Variants in CWC27 observed in about 807,000 individuals in gnomAD.
The protein encoded by CWC27 is spliceosome-associated protein CWC27 homolog.
In CWC27, 47 loss-of-function variants were observed where a neutral mutation model predicts 63.6. The ratio of observed to expected loss-of-function variants is 0.74; its 90% confidence interval spans 0.58 to 0.94. CWC27 has a LOEUF of 0.94. Ranked by LOEUF, CWC27 falls within the 40% of genes least tolerant of loss-of-function variation. The pLI, the probability that CWC27 is intolerant of heterozygous loss-of-function variation, is 0.00. For synonymous variants in CWC27, 175 were observed against 179.8 expected, an observed-to-expected ratio of 0.97 and a Z score of 0.22; for missense variants, 495 against 554.3, an observed-to-expected ratio of 0.89 and a Z score of 1.07.
intron 11 of CWC27, among the ~76,000 whole-genome samples, chr5:64,907,235 T>C (rs1000126330): frequency 1.3e-5 from 2 of 152,244 alleles, no homozygotes; most frequent in Non-Finnish European, 2.9e-5. Flanking sequence ...GGGATGGCAT[T>C]GAATCTATAA....
chr5:64,972,776 C>T (rs888033344), intron 12 of CWC27: 10 of 420,352 alleles, frequency 2.4e-5, no homozygotes, highest in Non-Finnish European at 4.7e-5. Context: ...CCCCCATTCC[C>T]TTGTAGCAAA....
chr5:64,878,733 A>G (rs1223975261), intron 10 of CWC27, among the ~76,000 whole-genome samples: 1 of 151,882 alleles, frequency 6.6e-6, no homozygotes, highest in Non-Finnish European at 1.5e-5. Context: ...TGGAAATGGC[A>G]TGAACAAAGG....
intron 13 of CWC27, among the ~76,000 whole-genome samples, chr5:64,993,429 T>C (rs1690159427): frequency 6.6e-6 from 1 of 152,056 alleles, no homozygotes; most frequent in African/African-American, 2.4e-5. Flanking sequence ...AATTTGCTAG[T>C]GGTACTAGAA....
intron 11 of CWC27, among the ~76,000 whole-genome samples, chr5:64,923,733 A>C (rs547688220): frequency 1.3e-5 from 2 of 149,800 alleles, no homozygotes; most frequent in Non-Finnish European, 3.0e-5. Flanking sequence ...CTTCTTTACA[A>C]ATATTTCCCA....
intron 10 of CWC27, among the ~76,000 whole-genome samples, chr5:64,879,272 TG>T (rs1251869046): frequency 1.3e-5 from 2 of 151,998 alleles, no homozygotes; most frequent in Non-Finnish European, 2.9e-5. Flanking sequence ...TTGATGCATT[TG>T]TGGTATGTCT....
At chr5:64,863,624 A>T (rs988399866) in intron 10 of CWC27, among the ~76,000 whole-genome samples, 3 of 152,038 alleles carry the variant, frequency 2.0e-5, no homozygotes, top group African/African-American at 7.2e-5. Context: ...CCTCCCGAGT[A>T]GCTATGACTA....
intron 10 of CWC27, among the ~76,000 whole-genome samples, chr5:64,871,281 C>G (rs990514259): frequency 6.6e-6 from 1 of 152,126 alleles, no homozygotes; most frequent in Admixed American, 6.6e-5. Context: ...AGAAAATAAA[C>G]AGCCTGCTAA....
At chr5:64,793,923 A>G (rs1305221799) in intron 7 of CWC27, among the ~76,000 whole-genome samples, 1 of 152,098 alleles carries the variant, frequency 6.6e-6, no homozygotes, top group Non-Finnish European at 1.5e-5. Flanking sequence ...TCAGTGTGGG[A>G]TTACAGACAC....
chr5:64,835,696 G>T (rs995358), intron 10 of CWC27, among the ~76,000 whole-genome samples: 53,426 of 151,524 alleles, frequency 0.35, 9,866 homozygotes, highest in East Asian at 0.51. Context: ...TTTTAACAAT[G>T]TATTTTTTTC....
chr5:64,865,921 C>T (rs1746521783), intron 10 of CWC27, among the ~76,000 whole-genome samples: 1 of 152,044 alleles, frequency 6.6e-6, no homozygotes, highest in Admixed American at 6.6e-5. Flanking sequence ...CTTCCAGCCA[C>T]ATCTGTCATA....
chr5:64,970,439 T>C lies in CWC27; in HGVS notation c.1043-1264T>C, dbSNP rs185467741. ...GTGCTAGCCAGGATGGTCTCGATCT[T>C]CTGACCTCGTGATCCGCCCACCTCG... On this transcript the variant is annotated intron_variant, in intron 11 of 13. Transcript: ENST00000381070. Among the ~76,000 whole-genome samples the C allele has an allele frequency of 1.2e-3, 178 of 151,412 alleles. 2 individuals carry two copies. The highest frequency in any genetic ancestry group is 4.0e-3 in the African/African-American group (166 of 41,308).
chr5:65,016,097 G>A (rs1467059777), intron 13 of CWC27, among the ~76,000 whole-genome samples: 4 of 152,134 alleles, frequency 2.6e-5, no homozygotes, highest in Non-Finnish European at 5.9e-5. Flanking sequence ...TTAATACCAT[G>A]GCTGTCGAAC....
intron 10 of CWC27, among the ~76,000 whole-genome samples, chr5:64,876,573 A>G (rs1448180571): frequency 6.6e-6 from 1 of 152,132 alleles, no homozygotes; most frequent in Non-Finnish European, 1.5e-5. Context: ...ATAAGAAACT[A>G]ACACATATTC....
At chr5:64,887,063 T>A (rs1747087392) in intron 11 of CWC27, among the ~76,000 whole-genome samples, 1 of 152,124 alleles carries the variant, frequency 6.6e-6, no homozygotes, top group African/African-American at 2.4e-5. Flanking sequence ...AACTTAAATA[T>A]TTTATTTGCT....
Position 64,949,435 on chromosome 5 carries a change from G to C in CWC27, c.1043-22268G>C, listed in dbSNP as rs73109566. ...CCATTTTAGTCACAGTTTTTTTGTT[G>C]GGCTATTTTAACAACCTGCTAACAT... On this transcript the variant is annotated intron_variant, in intron 11 of 13. Transcript: ENST00000381070. 9.7e-3 allele frequency among the ~76,000 whole-genome samples: 1,465 copies of C among 151,732 alleles called. 32 individuals are homozygous for C. The highest frequency in any genetic ancestry group is 0.034 in the African/African-American group (1,389 of 41,404).
At chr5:64,910,284 CACAGCA>C (rs1019338622) in intron 11 of CWC27, among the ~76,000 whole-genome samples, 1 of 152,168 alleles carries the variant, frequency 6.6e-6, no homozygotes, top group African/African-American at 2.4e-5. Context: ...AATATTGCAG[CACAGCA>C]AATATTGCTG....
intron 10 of CWC27, among the ~76,000 whole-genome samples, chr5:64,819,410 A>T (rs1745134529): frequency 6.6e-6 from 1 of 152,086 alleles, no homozygotes; most frequent in Non-Finnish European, 1.5e-5. Context: ...CTATGTCCCC[A>T]CCCAAATCTC....
At chr5:64,970,361 C>G (rs1478665117) in intron 11 of CWC27, among the ~76,000 whole-genome samples, 1 of 151,938 alleles carries the variant, frequency 6.6e-6, no homozygotes, top group South Asian at 2.1e-4. Flanking sequence ...TACAGGCGCC[C>G]GCCACCACGC....
At chr5:65,007,661 T>C (rs1207114824) in intron 13 of CWC27, among the ~76,000 whole-genome samples, 1 of 148,190 alleles carries the variant, frequency 6.7e-6, no homozygotes, top group Non-Finnish European at 1.5e-5. Flanking sequence ...GGAGTCTCGC[T>C]CTGTCCCCCA....
Sources: gnomAD v4.1 joint callset for allele counts (sites outside exome capture counted in the v4.1 genomes callset) on GRCh38, gnomAD v4.1.1 for gene constraint, MANE v1.5 for transcripts, NCBI Gene and HGNC (gene_info 2026-07-23, HGNC 2026-07-21) for gene names.